ASTN2: variants seen among roughly 807,000 people sequenced by gnomAD.
The protein encoded by ASTN2 is astrotactin 2, also known as astrotactin-2.
ASTN2 carries 54 observed loss-of-function variants against 139.8 expected under a neutral mutation model. The observed-to-expected ratio is 0.39, with a 90% confidence interval of 0.31 to 0.48. The LOEUF (loss-of-function observed/expected upper bound fraction) is 0.48. ASTN2 is among the 20% of genes least tolerant of loss of function. The probability of loss-of-function intolerance (pLI) is 0.95; values close to 1 mark genes in which losing one functional copy is unlikely to be tolerated. For synonymous variants in ASTN2, 756 were observed against 719.5 expected, an observed-to-expected ratio of 1.05 and a Z score of -0.81; for missense variants, 1,565 against 1,725.1, an observed-to-expected ratio of 0.91 and a Z score of 1.64.
intron 12 of ASTN2, among the ~76,000 whole-genome samples, chr9:116,810,894 T>G (rs1445011572): frequency 6.6e-6 from 1 of 152,206 alleles, no homozygotes; most frequent in Non-Finnish European, 1.5e-5. Context: ...TATTTAGATT[T>G]TCTATATCCT....
Position 116,651,600 on chromosome 9 carries a change from G to A in ASTN2, c.3000C>T (p.Pro1000=), listed in dbSNP as rs1394349651. The change falls in exon 17 of 23, where the codon CCC becomes CCT. Residue 1000 remains proline, a synonymous_variant. Transcript: ENST00000313400. ...GGTTGATTTCCAGCAGCACTGGTGTGGGGCTCAGCTGCTCCTTGCCTGGCC... is the reference window on the plus strand; with the variant it reads ...GGTTGATTTCCAGCAGCACTGGTGTAGGGCTCAGCTGCTCCTTGCCTGGCC... The part of the protein sequence containing the change: ...CRRPGKEQLS[P]TPVLLEINRV... 3 of 1,614,186 alleles carry A rather than the reference G, an allele frequency of 1.9e-6. No homozygotes were observed. Among genetic ancestry groups the A allele is most frequent in the Admixed American group, 1.7e-5 (1 of 60,020 alleles).
chr9:116,552,014 C>CACATACACATAT (rs1554712080), intron 19 of ASTN2: 2 of 151,842 alleles, frequency 1.3e-5, no homozygotes, highest in African/African-American at 4.8e-5. Flanking sequence ...CATATACATA[C>CACATACACATAT]ACATATACAT....
At chr9:116,903,082 G>T (rs1462840853) in intron 10 of ASTN2, among the ~76,000 whole-genome samples, 1 of 152,030 alleles carries the variant, frequency 6.6e-6, no homozygotes, top group African/African-American at 2.4e-5. Context: ...TCCATATGCT[G>T]CATTCCTCCT....
At chr9:116,453,096 C>T (rs1229961582) in intron 20 of ASTN2, among the ~76,000 whole-genome samples, 1 of 152,124 alleles carries the variant, frequency 6.6e-6, no homozygotes, top group African/African-American at 2.4e-5. Flanking sequence ...CTGAGCTGAG[C>T]TCAGTTCCCA....
At chr9:116,720,605 T>C (rs1432790317) in intron 16 of ASTN2, among the ~76,000 whole-genome samples, 1 of 151,212 alleles carries the variant, frequency 6.6e-6, no homozygotes, top group Admixed American at 6.6e-5. Context: ...TCTTTCTTGC[T>C]CTAGCTCTCT....
At chr9:116,677,674 C>G (rs1318276971) in intron 16 of ASTN2, among the ~76,000 whole-genome samples, 1 of 152,152 alleles carries the variant, frequency 6.6e-6, no homozygotes, top group Non-Finnish European at 1.5e-5. Context: ...TTTGGGTTGC[C>G]TTGCAATGAA....
chr9:116,811,031 T>A (rs1588312411), intron 12 of ASTN2, among the ~76,000 whole-genome samples: 1 of 152,212 alleles, frequency 6.6e-6, no homozygotes, highest in African/African-American at 2.4e-5. Context: ...TATGTTTCTA[T>A]AGTTAAGGCA....
chr9:116,907,681 G>A (rs1238212553), intron 10 of ASTN2, among the ~76,000 whole-genome samples: 1 of 152,202 alleles, frequency 6.6e-6, no homozygotes, highest in Non-Finnish European at 1.5e-5. Context: ...TGGCAGAAAG[G>A]GGCTATGTAA....
At chr9:116,762,603 GA>G (rs1829701929) in intron 13 of ASTN2, among the ~76,000 whole-genome samples, 1 of 152,060 alleles carries the variant, frequency 6.6e-6, no homozygotes, top group East Asian at 1.9e-4. Flanking sequence ...TTATTGCCTG[GA>G]AAAAAATTAA....
chr9:117,242,357 T>A (rs1833240963), intron 2 of ASTN2, among the ~76,000 whole-genome samples: 1 of 152,074 alleles, frequency 6.6e-6, no homozygotes. Context: ...TATAATTGAG[T>A]TTCTCCCTGT....
At position 117,291,353 on chromosome 9, in the gene ASTN2, C is replaced by A. The variant is rs1380679354; in HGVS notation, c.603G>T (p.Gln201His). ...LQEPSEIVEEQMHILHISVMG... is the reference protein window; with the variant it reads ...LQEPSEIVEEHMHILHISVMG... ...TCACAGAAATGTGGAGGATGTGCAT[C>A]TGCTCCTCAACAATCTCCGAGGGCT... The change falls in exon 2 of 23, where the codon CAG becomes CAT. Residue 201 changes from glutamine (Q) to histidine (H), a missense_variant. By Grantham distance (24) the Gln-to-His change is conservative. Around this residue, in one of 4 missense-constraint regions of ASTN2, gnomAD observed 596 missense variants for 576.8 expected, o/e 1.03. Coordinates refer to ENST00000313400, the MANE Select transcript of ASTN2 (RefSeq NM_001365068.1). 6.2e-7 allele frequency: 1 copy of A among 1,614,184 alleles called. No individual in the cohort carries two copies. The highest frequency in any genetic ancestry group is 1.7e-5 in the Admixed American group (1 of 60,036).
chr9:116,983,750 A>T (rs1836587887), intron 7 of ASTN2, among the ~76,000 whole-genome samples: 1 of 152,190 alleles, frequency 6.6e-6, no homozygotes, highest in African/African-American at 2.4e-5. Context: ...AAAGTTGGAA[A>T]TATATTTATG....
intron 17 of ASTN2, among the ~76,000 whole-genome samples, chr9:116,643,081 T>C (rs189912851): frequency 1.2e-3 from 189 of 152,324 alleles, no homozygotes; most frequent in African/African-American, 4.3e-3. Flanking sequence ...TTTTGTTTTT[T>C]AATTTGTAAA....
In ASTN2 at chr9:117,347,047, G is replaced by A. The variant is rs1231618383; in HGVS notation, c.443-55534C>T. ...CTAAAGGGCATCCTGCTGCTTCTGC[G>A]GTGTGTGTTATCTGAGGTGGGATGA... On this transcript the variant is annotated intron_variant, in intron 1 of 22. Transcript: ENST00000313400. Among the ~76,000 whole-genome samples the A allele has an allele frequency of 8.5e-5, 13 of 152,178 alleles. No homozygotes were observed. The East Asian group carries it at 1.7e-3, about 20-fold the overall frequency.
At chr9:116,589,411 C>T (rs1486134729) in intron 19 of ASTN2, among the ~76,000 whole-genome samples, 2 of 152,200 alleles carry the variant, frequency 1.3e-5, no homozygotes, top group Non-Finnish European at 2.9e-5. Context: ...CCTCTCAGAA[C>T]TAACCTTTCT....
intron 5 of ASTN2, among the ~76,000 whole-genome samples, chr9:117,060,010 C>T (rs1839192908): frequency 6.6e-6 from 1 of 151,988 alleles, no homozygotes; most frequent in Admixed American, 6.6e-5. Context: ...AATGCAGTGG[C>T]TTGAAATTAG....
At chr9:116,461,839 T>C (rs1411210763) in intron 20 of ASTN2, among the ~76,000 whole-genome samples, 1 of 152,160 alleles carries the variant, frequency 6.6e-6, no homozygotes, top group Non-Finnish European at 1.5e-5. Context: ...TCAGCATAGC[T>C]TAGCCTATCC....
chr9:116,527,282 GATAAGGGGCTA>G (rs1472378773), intron 19 of ASTN2, among the ~76,000 whole-genome samples: 2 of 152,102 alleles, frequency 1.3e-5, no homozygotes, highest in African/African-American at 4.8e-5. Flanking sequence ...CCATACATCT[GATAAGGGGCTA>G]ATATCTAAAA....
At chr9:116,483,436 G>A (rs1849237152) in intron 20 of ASTN2, among the ~76,000 whole-genome samples, 1 of 152,064 alleles carries the variant, frequency 6.6e-6, no homozygotes, top group Admixed American at 6.5e-5. Context: ...GCCTTCCTAG[G>A]TGGTGTGGAA....
Sources: allele counts gnomAD v4.1 joint callset (sites outside exome capture counted in the v4.1 genomes callset), GRCh38; gene constraint gnomAD v4.1.1; regional missense constraint gnomAD v4.1.1; transcripts MANE v1.5; gene names NCBI Gene and HGNC (gene_info 2026-07-23, HGNC 2026-07-21).